Variants in ARL13B observed in about 807,000 individuals in gnomAD.
ARL13B encodes ARF like GTPase 13B, also known as ADP-ribosylation factor-like protein 13B.
In ARL13B, 36 loss-of-function variants were observed where a neutral mutation model predicts 56.1. The observed-to-expected ratio is 0.64, with a 90% CI of 0.49 to 0.85. The LOEUF is 0.85. ARL13B is among the 40% of genes least tolerant of loss of function. The pLI is 0.00. For missense variants in ARL13B, 519 were observed against 507.1 expected, an observed-to-expected ratio of 1.02 and a Z score of -0.23; for synonymous variants, 178 against 171.1, an observed-to-expected ratio of 1.04 and a Z score of -0.32.
intron 3 of ARL13B, among the ~76,000 whole-genome samples, chr3:94,009,539 A>C (rs2076188890): frequency 6.6e-6 from 1 of 152,074 alleles, no homozygotes; most frequent in Non-Finnish European, 1.5e-5. Context: ...ATAATAGAAG[A>C]ATCTGAGTCC....
intron 1 of ARL13B, among the ~76,000 whole-genome samples, chr3:93,989,990 C>CT (rs1023551136): frequency 3.3e-5 from 5 of 151,664 alleles, no homozygotes; most frequent in Admixed American, 6.6e-5. Flanking sequence ...TTGAGTATCT[C>CT]TTTTTTTTGT....
intron 3 of ARL13B, among the ~76,000 whole-genome samples, chr3:94,026,523 A>G (rs973729164): frequency 1.3e-5 from 2 of 152,190 alleles, no homozygotes; most frequent in Non-Finnish European, 2.9e-5. Flanking sequence ...TCATAACTAT[A>G]TGTATAACTA....
At position 94,017,844 on chromosome 3, in the gene ARL13B, C is replaced by T. The variant is rs1361504668; in HGVS notation, c.380+13936C>T. Among the ~76,000 whole-genome samples the T allele has an allele frequency of 3.3e-5, 5 of 151,860 alleles. No individual in the cohort carries two copies. In the East Asian group the frequency reaches 9.7e-4, roughly 29 times the overall value. ...GAATGAGACTGATATGTTTTAGGAA[C>T]AGAGTTATTGCATAAGAACAAAGTG... On this transcript the variant is annotated intron_variant, in intron 3 of 9. Transcript: ENST00000394222.
intron 1 of ARL13B, among the ~76,000 whole-genome samples, chr3:93,991,301 G>C (rs528154930): frequency 1.3e-5 from 2 of 152,232 alleles, no homozygotes; most frequent in South Asian, 4.1e-4. Context: ...TGATCTTTCT[G>C]TTGTCATACA....
At chr3:94,041,273 T>G (rs777131240) in intron 6 of ARL13B, among the ~76,000 whole-genome samples, 1 of 152,138 alleles carries the variant, frequency 6.6e-6, no homozygotes, top group African/African-American at 2.4e-5. Context: ...AACCTATTTA[T>G]GTATGAGCAT....
chr3:94,009,890 C>T (rs1193067140), intron 3 of ARL13B, among the ~76,000 whole-genome samples: 1 of 152,060 alleles, frequency 6.6e-6, no homozygotes, highest in Non-Finnish European at 1.5e-5. Context: ...GTACTGGGAG[C>T]CTGCAGAGGT....
intron 3 of ARL13B, among the ~76,000 whole-genome samples, chr3:94,017,591 G>A (rs2076359351): frequency 6.6e-6 from 1 of 152,150 alleles, no homozygotes; most frequent in Non-Finnish European, 1.5e-5. Context: ...AGTTTTAAAT[G>A]CTGTAATATA....
Position 94,003,734 on chromosome 3 carries a change from T to C in ARL13B, c.206T>C (p.Ile69Thr). The C allele has an allele frequency of 6.2e-7, 1 of 1,613,696 alleles. No individual in the cohort carries two copies. Among genetic ancestry groups the C allele is most frequent in the Non-Finnish European group, 8.5e-7 (1 of 1,179,704 alleles). ...NLRQGKFEVT[I>T]FDLGGGIRIR... ...AGACAAGGAAAGTTTGAAGTCACCA[T>C]CTTTGACTTGGGAGGTGGAATAAGA... is the stretch of plus-strand genomic sequence containing the variant. Residue 69 changes from isoleucine to threonine, a missense_variant, in exon 3 of 10, where the codon ATC becomes ACC. Coordinates refer to ENST00000394222, the MANE Select transcript of ARL13B (RefSeq NM_001174150.2).
chr3:94,038,933 T>C (rs1032675626), intron 5 of ARL13B, among the ~76,000 whole-genome samples: 9 of 152,190 alleles, frequency 5.9e-5, no homozygotes, highest in African/African-American at 2.2e-4. Flanking sequence ...TTAATCTGAA[T>C]GATACATATG....
chr3:94,023,005 G>A (rs571165794), intron 3 of ARL13B, among the ~76,000 whole-genome samples: 289 of 151,542 alleles, frequency 1.9e-3, no homozygotes, highest in Non-Finnish European at 3.5e-3. Flanking sequence ...TCCTTTCCTG[G>A]AAACTCTAAT....
At chr3:94,017,396 T>A (rs2076355720) in intron 3 of ARL13B, among the ~76,000 whole-genome samples, 1 of 152,194 alleles carries the variant, frequency 6.6e-6, no homozygotes, top group African/African-American at 2.4e-5. Context: ...AGCTGCTTCA[T>A]GAGGTGCTGA....
At chr3:94,026,884 G>A (rs567929580) in intron 3 of ARL13B, among the ~76,000 whole-genome samples, 22 of 152,070 alleles carry the variant, frequency 1.4e-4, no homozygotes, top group African/African-American at 3.1e-4. Context: ...ACACTAACTC[G>A]TATGTATGAT....
Position 93,995,940 on chromosome 3 carries a change from A to G in ARL13B, c.126A>G (p.Gln42=), listed in dbSNP as rs1260877126. The change falls in exon 2 of 10, where the codon CAA becomes CAG. Residue 42 remains glutamine (Q), a synonymous_variant. Coordinates refer to ENST00000394222, the MANE Select transcript of ARL13B (RefSeq NM_001174150.2). Reference sequence around the variant, plus strand: ...AAACCGCAACAGCAAAGGGAATCCAAGGAGGTAAGCTGAAAACATTTATGT... The same window carrying G: ...AAACCGCAACAGCAAAGGGAATCCAGGGAGGTAAGCTGAAAACATTTATGT... ...AGKTATAKGI[Q]GEYPEDVAPT... The G allele has an allele frequency of 1.9e-6, 3 of 1,612,816 alleles. No homozygotes were observed. Among genetic ancestry groups the G allele is most frequent in the Admixed American group, 1.7e-5 (1 of 59,962 alleles).
rs142658049 is a variant in ARL13B at position 94,021,866 on chromosome 3, A to G, written c.381-13465A>G. On this transcript the variant is annotated intron_variant, in intron 3 of 9. Transcript: ENST00000394222. ...CATTTAATATAGCCATAAGCTTTTT[A>G]AATAAGCTTTTTAAAAATGTTATTT... Among the ~76,000 whole-genome samples the G allele has an allele frequency of 5.2e-3, 785 of 152,280 alleles. 9 individuals are homozygous for G. Among genetic ancestry groups the G allele is most frequent in the African/African-American group, 0.018 (740 of 41,552 alleles).
intron 3 of ARL13B, among the ~76,000 whole-genome samples, chr3:94,026,776 T>C (rs1267597501): frequency 1.3e-5 from 2 of 152,182 alleles, no homozygotes; most frequent in African/African-American, 4.8e-5. Context: ...ATGAATCATC[T>C]TTTATTATGT....
At chr3:93,993,338 C>G (rs944485278) in intron 1 of ARL13B, among the ~76,000 whole-genome samples, 11 of 151,948 alleles carry the variant, frequency 7.2e-5, no homozygotes, top group Non-Finnish European at 1.6e-4. Flanking sequence ...GTTTCTCAGG[C>G]TGGTCTCGAA....
chr3:94,018,948 T>C (rs1406661905), intron 3 of ARL13B, among the ~76,000 whole-genome samples: 1 of 151,840 alleles, frequency 6.6e-6, no homozygotes, highest in African/African-American at 2.4e-5. Flanking sequence ...GTATTTTTAT[T>C]AACGACAGGG....
In ARL13B at chr3:94,029,332, A is replaced by ATTT. The variant is rs1230277806; in HGVS notation, c.381-5998_381-5997insTTT. Among the ~76,000 whole-genome samples the ATTT allele has an allele frequency of 4.1e-4, 30 of 72,368 alleles. 1 individual carries two copies. Among genetic ancestry groups the ATTT allele is most frequent in the African/African-American group, 1.0e-3 (20 of 19,144 alleles). The allele number at this position is 72,368 out of a possible 152,430, so 47.5% of individuals were successfully genotyped here. A position where few individuals can be genotyped will look rare whatever the true frequency, so the allele number is the denominator to read the frequency against. ...TATATATATATATATATATATATAT[A>ATTT]TATTTATTTTTTTTTTATTTTTTTT... On this transcript the variant is annotated intron_variant, in intron 3 of 9. Coordinates refer to ENST00000394222, the MANE Select transcript of ARL13B (RefSeq NM_001174150.2).
rs576255000 is a variant in ARL13B, at chr3:94,035,589, A to G, written c.486+153A>G. 337 of 597,332 alleles carry G rather than the reference A, an allele frequency of 5.6e-4. 4 individuals are homozygous for G. In the South Asian group the frequency reaches 6.9e-3, roughly 12 times the overall value. 37.0% of individuals were successfully genotyped at this position (597,332 alleles called of 1,614,324 possible). A position where few individuals can be genotyped will look rare whatever the true frequency, so the allele number is the denominator to read the frequency against. ...AAATCACATTCCCATTTTTCTGTTG[A>G]TATAACTTAATACCATAATATTTGT... On this transcript the variant is annotated intron_variant, in intron 4 of 9. Transcript: ENST00000394222.
Sources: allele counts gnomAD v4.1 joint callset (sites outside exome capture counted in the v4.1 genomes callset), GRCh38; gene constraint gnomAD v4.1.1; transcripts MANE v1.5; gene names NCBI Gene and HGNC (gene_info 2026-07-23, HGNC 2026-07-21).